The following TNPO1 variants were observed in gnomAD, a reference collection of about 807,000 sequenced individuals.
TNPO1 encodes transportin 1.
Under a neutral mutation model 119.5 loss-of-function variants are expected in TNPO1, and 8 were observed. The ratio of observed to expected loss-of-function variants is 0.07; its 90% confidence interval spans 0.04 to 0.12. The LOEUF (loss-of-function observed/expected upper bound fraction) is 0.12. TNPO1 is among the 10% of genes least tolerant of loss of function. The pLI, the probability that TNPO1 is intolerant of heterozygous loss-of-function variation, is 1.00. For synonymous variants in TNPO1, 362 were observed against 363.0 expected, an observed-to-expected ratio of 1.00 and a Z score of 0.03; for missense variants, 576 against 1,089.8, an observed-to-expected ratio of 0.53 and a Z score of 6.64.
rs869051297 is a variant in TNPO1 at position 72,906,275 on chromosome 5, C to CTTTTTTTTTTTTTTTTTT, written c.*35+851_*35+868dup. 3.8e-4 allele frequency among the ~76,000 whole-genome samples: 21 copies of CTTTTTTTTTTTTTTTTTT among 54,696 alleles called. 1 individual carries two copies. The highest frequency in any genetic ancestry group is 7.3e-4 in the South Asian group (1 of 1,378). 35.9% of individuals were successfully genotyped at this position (54,696 alleles called of 152,430 possible). ...CCATGTGCCCATCACTTTTTTTTTT[C>CTTTTTTTTTTTTTTTTTT]TTTTTTTTTTTTTTTTTTTTTTTTT... On this transcript the variant is annotated intron_variant, in intron 24 of 24. Transcript: ENST00000337273.
intron 1 of TNPO1, among the ~76,000 whole-genome samples, chr5:72,826,220 C>T (rs1287511534): frequency 6.6e-6 from 1 of 152,102 alleles, no homozygotes. Context: ...TTATCCTGGA[C>T]TCCTTTTTAT....
At position 72,901,063 on chromosome 5, in the gene TNPO1, G is replaced by A; in HGVS notation, c.2504G>A (p.Gly835Asp). 6.3e-7 allele frequency: 1 copy of A among 1,598,672 alleles called. No individual in the cohort carries two copies. Among genetic ancestry groups the A allele is most frequent in the Non-Finnish European group, 8.5e-7 (1 of 1,172,556 alleles). ...ICTMISVNPS[G>D]VIQDFIFFCD... ...ACCATGATCAGTGTGAATCCCAGTG[G>A]CGTAATCCAAGTAAGATGTTCACAA... Residue 835 changes from glycine (G) to aspartate (D), a missense_variant, in exon 22 of 25, where the codon GGC (glycine) becomes GAC (aspartate). Gly to Asp is a moderately conservative substitution (Grantham distance 94, BLOSUM62 -1). Transcript: ENST00000337273.
intron 6 of TNPO1, among the ~76,000 whole-genome samples, chr5:72,867,386 TTC>T (rs71614494): frequency 0.47 from 71,892 of 151,784 alleles, 18,241 homozygotes; most frequent in Admixed American, 0.61. Context: ...CTCTTAAGCG[TTC>T]TCTCTCAACG....
At chr5:72,865,989 AG>A (rs1746860078) in intron 6 of TNPO1, among the ~76,000 whole-genome samples, 1 of 152,256 alleles carries the variant, frequency 6.6e-6, no homozygotes, top group Non-Finnish European at 1.5e-5. Context: ...GATAGTTAAC[AG>A]GCATCTTCTA....
intron 5 of TNPO1, among the ~76,000 whole-genome samples, chr5:72,864,451 T>C (rs1746729949): frequency 6.6e-6 from 1 of 152,188 alleles, no homozygotes; most frequent in Non-Finnish European, 1.5e-5. Context: ...AGGTTACATG[T>C]TATGTACAAA....
At chr5:72,825,011 C>T (rs1432781334) in intron 1 of TNPO1, among the ~76,000 whole-genome samples, 1 of 152,170 alleles carries the variant, frequency 6.6e-6, no homozygotes, top group Non-Finnish European at 1.5e-5. Context: ...TTTTTTACTT[C>T]ACTTTTTCTT....
At chr5:72,886,963 T>C (rs1748697742) in intron 11 of TNPO1, 107 bp from the exon 12 acceptor site, 1 of 1,049,926 alleles carries the variant, frequency 9.5e-7, no homozygotes. Flanking sequence ...TGAATTCTTA[T>C]TTTAAAACTC....
chr5:72,823,160 G>C (rs253169), intron 1 of TNPO1, among the ~76,000 whole-genome samples: 1 of 151,708 alleles, frequency 6.6e-6, no homozygotes, highest in East Asian at 1.9e-4. Context: ...TGTTTGCTCC[G>C]TAACTTTCCT....
At chr5:72,831,867 C>T (rs143035555) in intron 1 of TNPO1, among the ~76,000 whole-genome samples, 2 of 152,058 alleles carry the variant, frequency 1.3e-5, no homozygotes, top group Admixed American at 6.5e-5. Context: ...AAAACGTAAC[C>T]GTTCAAGTAC....
Position 72,910,096 on chromosome 5 carries a change from G to C in TNPO1, c.*1423G>C, listed in dbSNP as rs1292524670. ...CTAAGCTTCCCTTTTTTTGTTCAAAGCATGATCTTAAAGATATGTTTAAGT... is the reference window on the plus strand; with the variant it reads ...CTAAGCTTCCCTTTTTTTGTTCAAACCATGATCTTAAAGATATGTTTAAGT... On this transcript the variant is annotated 3_prime_UTR_variant, in exon 25 of 25. Coordinates refer to ENST00000337273, the MANE Select transcript of TNPO1 (RefSeq NM_002270.4). The C allele has an allele frequency of 6.6e-6, 1 of 152,456 alleles. No homozygotes were observed. The highest frequency in any genetic ancestry group is 1.5e-5 in the Non-Finnish European group (1 of 67,974). The allele number at this position is 152,456 out of a possible 1,614,324, so 9.4% of individuals were successfully genotyped here.
Position 72,835,377 on chromosome 5 carries a change from A to C in TNPO1, c.16-13008A>C, listed in dbSNP as rs538027827. ...GACTGGGTAATTTACAAAATAATAAAAATGTATTTCTCATAGTAGTACACA... is the reference window on the plus strand; with the variant it reads ...GACTGGGTAATTTACAAAATAATAACAATGTATTTCTCATAGTAGTACACA... On this transcript the variant is annotated intron_variant, in intron 1 of 24. Transcript: ENST00000337273. Among the ~76,000 whole-genome samples, 12 of 152,304 alleles carry C rather than the reference A, an allele frequency of 7.9e-5. No homozygotes were observed. The Middle Eastern group carries it at 0.01, about 130-fold the overall frequency.
At chr5:72,887,247 A>T (rs1748718006) in intron 12 of TNPO1, 25 bp downstream of exon 12, 1 of 1,180,832 alleles carries the variant, frequency 8.5e-7, no homozygotes, top group African/African-American at 1.7e-5. Context: ...AGTTTGAATT[A>T]TGTAAGTTGG....
At chr5:72,878,626 G>A (rs775746315) in intron 9 of TNPO1, 2 of 170,062 alleles carry the variant, frequency 1.2e-5, no homozygotes, top group Non-Finnish European at 2.5e-5. Context: ...AGCAAGGTGC[G>A]TCGTATCTTG....
At position 72,861,073 on chromosome 5, in the gene TNPO1, G is replaced by A. The variant is rs574768182; in HGVS notation, c.356-735G>A. On this transcript the variant is annotated intron_variant, in intron 4 of 24. Coordinates refer to ENST00000337273, the MANE Select transcript of TNPO1 (RefSeq NM_002270.4). ...GATTACAGGCATGCACCACATGCCC[G>A]GCTAGTTATGTATTTTTAGTAGAGA... Among the ~76,000 whole-genome samples, 15 of 151,932 alleles carry A rather than the reference G, an allele frequency of 9.9e-5. No individual in the cohort carries two copies. The South Asian group carries it at 2.9e-3, about 30-fold the overall frequency.
At chr5:72,825,718 G>C (rs753153491) in intron 1 of TNPO1, 5 of 152,276 alleles carry the variant, frequency 3.3e-5, no homozygotes, top group Admixed American at 2.6e-4. Flanking sequence ...GAGATCCCTT[G>C]CCCTTTGTCT....
chr5:72,889,207 G>A (rs539688834), intron 13 of TNPO1, among the ~76,000 whole-genome samples: 17 of 152,158 alleles, frequency 1.1e-4, no homozygotes, highest in Non-Finnish European at 1.8e-4. Context: ...ACAGGTGTGC[G>A]ACACCATGCC....
chr5:72,883,265 C>A (rs748495041), intron 11 of TNPO1, 33 bp downstream of exon 11: 1 of 993,260 alleles, frequency 1.0e-6, no homozygotes, highest in Non-Finnish European at 1.6e-6. Flanking sequence ...CAGTTGCCTA[C>A]TTTGATGATA....
chr5:72,849,485 T>A (rs1231563102), intron 2 of TNPO1, among the ~76,000 whole-genome samples: 1 of 152,254 alleles, frequency 6.6e-6, no homozygotes, highest in Non-Finnish European at 1.5e-5. Context: ...ATATGGAGTT[T>A]GGTAAGTAAG....
chr5:72,859,896 C>T (rs1746294356), intron 4 of TNPO1, among the ~76,000 whole-genome samples: 2 of 152,144 alleles, frequency 1.3e-5, no homozygotes, highest in African/African-American at 4.8e-5. Context: ...TAGACAGATC[C>T]AGATCTTGCT....
Sources: gnomAD v4.1 joint callset for allele counts (sites outside exome capture counted in the v4.1 genomes callset) on GRCh38, gnomAD v4.1.1 for gene constraint, MANE v1.5 for transcripts, NCBI Gene and HGNC (gene_info 2026-07-23, HGNC 2026-07-21) for gene names.